TCF4: variants seen among roughly 807,000 people sequenced by gnomAD.
TCF4 encodes SL3-3 enhancer factor 2.
Under a neutral mutation model 82.1 loss-of-function variants are expected in TCF4, and 3 were observed. The observed-to-expected ratio is 0.04, with a 90% CI of 0.02 to 0.09. TCF4 has a LOEUF of 0.09. Among genes scored for constraint, TCF4 ranks in the 10% least tolerant of loss-of-function variants. The pLI, the probability that TCF4 is intolerant of heterozygous loss-of-function variation, is 1.00. For synonymous variants in TCF4, 276 were observed against 309.6 expected (o/e 0.89, Z 1.14); for missense variants, 518 against 852.7 (o/e 0.61, Z 4.89).
At chr18:55,365,191 A>ATATGTGTG (rs1361444592) in intron 6 of TCF4, among the ~76,000 whole-genome samples, 8 of 97,956 alleles carry the variant, frequency 8.2e-5, no homozygotes, top group South Asian at 3.2e-4. Flanking sequence ...ATATATATAT[A>ATATGTGTG]TGTGTGTGTG....
intron 16 of TCF4, 98 bp downstream of exon 16, chr18:55,234,450 G>A: frequency 1.3e-6 from 2 of 1,541,298 alleles, no homozygotes; most frequent in Admixed American, 1.7e-5. Flanking sequence ...CTGGGTTTCT[G>A]CCAGTGCTTC....
chr18:55,404,219 C>T (rs904030877), intron 5 of TCF4: 4 of 198,424 alleles, frequency 2.0e-5, no homozygotes, highest in Non-Finnish European at 4.1e-5. Context: ...GACTGCTCTA[C>T]AGAGATCTAT....
At chr18:55,469,185 C>T (rs1358657966) in intron 3 of TCF4, among the ~76,000 whole-genome samples, 3 of 152,102 alleles carry the variant, frequency 2.0e-5, no homozygotes, top group Non-Finnish European at 2.9e-5. Flanking sequence ...ACACATTGGT[C>T]GGGTGCAATG....
intron 8 of TCF4, among the ~76,000 whole-genome samples, chr18:55,340,047 C>T (rs1242758078): frequency 6.6e-6 from 1 of 152,188 alleles, no homozygotes; most frequent in Admixed American, 6.5e-5. Flanking sequence ...TATCTTAGGC[C>T]TAACCTTCAG....
At chr18:55,258,022 A>T (rs912075907) in intron 13 of TCF4, among the ~76,000 whole-genome samples, 2 of 152,160 alleles carry the variant, frequency 1.3e-5, no homozygotes, top group Admixed American at 1.3e-4. Flanking sequence ...CCTACAAAAT[A>T]AAAAACACTT....
chr18:55,590,719 C>T (rs2097683834), upstream of TCF4, among the ~76,000 whole-genome samples: 1 of 152,158 alleles, frequency 6.6e-6, no homozygotes, highest in African/African-American at 2.4e-5. Context: ...GTCTTTGCAA[C>T]AGAAAAGCAA....
intron 6 of TCF4, among the ~76,000 whole-genome samples, chr18:55,384,516 A>G (rs2092398929): frequency 6.6e-6 from 1 of 152,252 alleles, no homozygotes; most frequent in South Asian, 2.1e-4. Context: ...AAAAACTGGC[A>G]TAGGGAAAGA....
intron 3 of TCF4, among the ~76,000 whole-genome samples, chr18:55,575,331 T>G (rs1368598929): frequency 1.3e-5 from 2 of 152,196 alleles, no homozygotes; most frequent in Non-Finnish European, 2.9e-5. Context: ...AAACAAGCAT[T>G]AAAACTGACA....
chr18:55,234,849 C>T (rs2048903707), intron 15 of TCF4, among the ~76,000 whole-genome samples, 166 bp from the exon 16 acceptor site: 1 of 152,094 alleles, frequency 6.6e-6, no homozygotes, highest in Non-Finnish European at 1.5e-5. Flanking sequence ...TAGTTCCCGG[C>T]GAAAACACTT....
intron 2 of TCF4, among the ~76,000 whole-genome samples, chr18:55,611,393 A>G (rs924144015): frequency 1.3e-5 from 2 of 152,028 alleles, no homozygotes; most frequent in Non-Finnish European, 2.9e-5. Flanking sequence ...TTTTCTTCCT[A>G]ATCACCATCT....
intron 3 of TCF4, among the ~76,000 whole-genome samples, chr18:55,501,411 T>C (rs984320302): frequency 2.6e-5 from 4 of 152,166 alleles, no homozygotes; most frequent in African/African-American, 2.4e-5. Flanking sequence ...AATGGTCAAA[T>C]CAATAGTGTT....
At chr18:55,270,293 A>AT (rs1392456859) in intron 10 of TCF4, among the ~76,000 whole-genome samples, 1 of 152,014 alleles carries the variant, frequency 6.6e-6, no homozygotes, top group Non-Finnish European at 1.5e-5. Flanking sequence ...TCTACTATTA[A>AT]TTTTTTTGTG....
rs768076894 is a variant in TCF4 at position 55,633,821 on chromosome 18, T to G, written c.195+1882A>C. Among the ~76,000 whole-genome samples, 2 of 152,002 alleles carry G rather than the reference T, an allele frequency of 1.3e-5. No individual in the cohort carries two copies. The highest frequency in any genetic ancestry group is 2.9e-5 in the Non-Finnish European group (2 of 68,010). ...TCTGTGGGCTATAGTTTGTCAACCCTTGATATAGAGCATAGCCAGGAGAAA... is the reference window on the plus strand; with the variant it reads ...TCTGTGGGCTATAGTTTGTCAACCCGTGATATAGAGCATAGCCAGGAGAAA... On this transcript the variant is annotated intron_variant, in intron 1 of 20. Transcript: ENST00000398339. This position sits in a 1 kb window ranked among gnomAD's most constrained non-coding sequence, Gnocchi z 4.0.
chr18:55,351,118 C>A, intron 6 of TCF4, 115 bp from the exon 7 acceptor site: 4 of 1,324,692 alleles, frequency 3.0e-6, no homozygotes, highest in Non-Finnish European at 4.2e-6. Flanking sequence ...ATCTGCTAAG[C>A]TGAGACAATT....
chr18:55,246,239 G>GTC (rs2053121256), intron 15 of TCF4, among the ~76,000 whole-genome samples: 1 of 145,188 alleles, frequency 6.9e-6, no homozygotes, highest in Non-Finnish European at 1.6e-5. Flanking sequence ...ACACGTGTGT[G>GTC]TGTGTGTGTG....
intron 6 of TCF4, among the ~76,000 whole-genome samples, chr18:55,390,160 T>G (rs2092949215): frequency 6.6e-6 from 1 of 151,334 alleles, no homozygotes; most frequent in Non-Finnish European, 1.5e-5. Context: ...ATTTGGAAAG[T>G]GATAAATACT....
chr18:55,511,328 GTTT>G lies in TCF4; in HGVS notation c.146-47194_146-47192del, dbSNP rs1568277650. Among the ~76,000 whole-genome samples the G allele has an allele frequency of 1.6e-3, 124 of 77,932 alleles. 1 individual carries two copies. Among genetic ancestry groups the G allele is most frequent in the Non-Finnish European group, 1.8e-3 (73 of 40,172 alleles). The allele number at this position is 77,932 out of a possible 152,430, so 51.1% of individuals were successfully genotyped here. ...TGTAGGTAATAGAGTAATTCCAAAAGTTTAAAAAAAAAAAAAAAAAAAGCATTC... is the reference window on the plus strand; with the variant it reads ...TGTAGGTAATAGAGTAATTCCAAAAGAAAAAAAAAAAAAAAAAAAGCATTC... On this transcript the variant is annotated intron_variant, in intron 3 of 19. Coordinates refer to ENST00000354452, the MANE Select transcript of TCF4 (RefSeq NM_001083962.2).
intron 8 of TCF4, among the ~76,000 whole-genome samples, chr18:55,308,601 A>G (rs946380896): frequency 1.3e-5 from 2 of 152,228 alleles, no homozygotes; most frequent in Non-Finnish European, 2.9e-5. Context: ...AGGTCTACAA[A>G]GATGCATTAA....
intron 3 of TCF4, among the ~76,000 whole-genome samples, chr18:55,546,434 G>A (rs1278368575): frequency 6.6e-6 from 1 of 152,082 alleles, no homozygotes; most frequent in Non-Finnish European, 1.5e-5. Flanking sequence ...TCATAATGAA[G>A]AGTTCCAACA....
Sources: gnomAD v4.1 joint callset for allele counts (sites outside exome capture counted in the v4.1 genomes callset) on GRCh38, gnomAD v4.1.1 for gene constraint, Gnocchi (gnomAD v3.1) non-coding constraint, MANE v1.5 for transcripts, NCBI Gene and HGNC (gene_info 2026-07-23, HGNC 2026-07-21) for gene names.